AK5: variants seen among roughly 807,000 people sequenced by gnomAD.
AK5 encodes adenylate kinase 5, also known as adenylate kinase isoenzyme 5.
Under a neutral mutation model 69.5 loss-of-function variants are expected in AK5, and 27 were observed. That is an observed-to-expected ratio of 0.39 (90% CI 0.29 to 0.54). AK5 has a LOEUF of 0.54. Ranked by LOEUF, AK5 falls within the 20% of genes least tolerant of loss-of-function variation. The probability of loss-of-function intolerance (pLI) is 0.71; values close to 1 mark genes in which losing one functional copy is unlikely to be tolerated. For missense variants in AK5, 531 were observed against 700.4 expected, an observed-to-expected ratio of 0.76 and a Z score of 2.73; for synonymous variants, 260 against 244.4, an observed-to-expected ratio of 1.06 and a Z score of -0.60.
At chr1:77,460,976 A>C (rs1653797781) in intron 8 of AK5, among the ~76,000 whole-genome samples, 1 of 151,788 alleles carries the variant, frequency 6.6e-6, no homozygotes, top group Non-Finnish European at 1.5e-5. Flanking sequence ...CACCTTACTC[A>C]GCCTTCCAAA....
intron 13 of AK5, among the ~76,000 whole-genome samples, chr1:77,557,712 C>T (rs1211187778): frequency 6.6e-6 from 1 of 152,164 alleles, no homozygotes; most frequent in Non-Finnish European, 1.5e-5. Flanking sequence ...ACTCAGAAGT[C>T]TCATTTTAAG....
chr1:77,445,044 A>G (rs1652660826), intron 8 of AK5, among the ~76,000 whole-genome samples: 3 of 152,176 alleles, frequency 2.0e-5, no homozygotes, highest in Admixed American at 2.0e-4. Context: ...CTATTGGTAT[A>G]TCTAGATTGT....
At chr1:77,523,794 C>T (rs183149238) in intron 12 of AK5, among the ~76,000 whole-genome samples, 10 of 152,276 alleles carry the variant, frequency 6.6e-5, no homozygotes, top group Admixed American at 2.0e-4. Flanking sequence ...ACCTCAGCCT[C>T]CTGAGCAACT....
intron 13 of AK5, among the ~76,000 whole-genome samples, chr1:77,545,671 A>G (rs1659506424): frequency 6.6e-6 from 1 of 152,188 alleles, no homozygotes; most frequent in African/African-American, 2.4e-5. Flanking sequence ...TTTGAAGTAT[A>G]ACAAGTAAAA....
intron 13 of AK5, among the ~76,000 whole-genome samples, chr1:77,557,001 T>C (rs1660138754): frequency 6.6e-6 from 1 of 152,022 alleles, no homozygotes; most frequent in Admixed American, 6.5e-5. Context: ...TTTTTTCGTT[T>C]GTTAGCATTT....
At chr1:77,288,131 A>T (rs185163923) in intron 2 of AK5, among the ~76,000 whole-genome samples, 7 of 152,370 alleles carry the variant, frequency 4.6e-5, no homozygotes, top group African/African-American at 1.4e-4. Flanking sequence ...TTGGAGAAGT[A>T]AACTTGTTTA....
chr1:77,558,851 A>G lies in AK5; in HGVS notation c.*181A>G. 6.7e-6 allele frequency: 4 copies of G among 594,370 alleles called. No homozygotes were observed. The highest frequency in any genetic ancestry group is 1.9e-5 in the African/African-American group (1 of 53,710). The allele number at this position is 594,370 out of a possible 1,614,324, so 36.8% of individuals were successfully genotyped here. On this transcript the variant is annotated 3_prime_UTR_variant, in exon 14 of 14. Coordinates refer to ENST00000354567, the MANE Select transcript of AK5 (RefSeq NM_174858.3). ...TGTGAGAGGTGTCTGGAAATCATGCATGGTGTATTTGGGACTATATCAACC... is the reference window on the plus strand; with the variant it reads ...TGTGAGAGGTGTCTGGAAATCATGCGTGGTGTATTTGGGACTATATCAACC...
At chr1:77,296,534 A>T (rs1349395166) in intron 3 of AK5, among the ~76,000 whole-genome samples, 1 of 152,042 alleles carries the variant, frequency 6.6e-6, no homozygotes, top group Non-Finnish European at 1.5e-5. Flanking sequence ...TAACATTCTC[A>T]ATGTGTCTGA....
At chr1:77,376,451 C>CAAAAAAAAAAAAAAAAAAAAAAAAAA (rs762576175) in intron 6 of AK5, among the ~76,000 whole-genome samples, 12 of 41,032 alleles carry the variant, frequency 2.9e-4, no homozygotes, top group African/African-American at 1.1e-3. Context: ...AAAAAAAAAA[C>CAAAAAAAAAAAAAAAAAAAAAAAAAA]AAAAAAAAAA....
intron 8 of AK5, among the ~76,000 whole-genome samples, chr1:77,445,543 A>G (rs1286388449): frequency 1.3e-5 from 2 of 152,118 alleles, no homozygotes; most frequent in Non-Finnish European, 2.9e-5. Context: ...CTTATCTGAC[A>G]TATGGTTTGC....
At position 77,470,854 on chromosome 1, in the gene AK5, TATATATATATA is replaced by T. The variant is rs1654439914; in HGVS notation, c.1060-12462_1060-12452del. ...ATATATATATATATATATATATATA[TATATATATATA>T]TATATATATATTTTTTTTTTTTTTT... On this transcript the variant is annotated intron_variant, in intron 8 of 13. Coordinates refer to ENST00000354567, the MANE Select transcript of AK5 (RefSeq NM_174858.3). Among the ~76,000 whole-genome samples the T allele has an allele frequency of 3.0e-3, 95 of 31,642 alleles. 24 individuals are homozygous for T. Among genetic ancestry groups the T allele is most frequent in the Admixed American group, 5.6e-3 (10 of 1,798 alleles). 20.8% of individuals were successfully genotyped at this position (31,642 alleles called of 152,430 possible).
intron 13 of AK5, 123 bp from the exon 14 acceptor site, chr1:77,558,479 G>C (rs1378962545): frequency 4.9e-6 from 3 of 612,058 alleles, no homozygotes; most frequent in Non-Finnish European, 8.7e-6. Flanking sequence ...CTGTGTTTTG[G>C]GGGGGGTCTT....
At chr1:77,522,054 G>A (rs1658020589) in intron 12 of AK5, 111 bp downstream of exon 12, 2 of 843,148 alleles carry the variant, frequency 2.4e-6, no homozygotes, top group Non-Finnish European at 3.6e-6. Flanking sequence ...AAAACTTTAA[G>A]GGGCAGAAAC....
intron 10 of AK5, among the ~76,000 whole-genome samples, chr1:77,513,340 G>C (rs937125202): frequency 1.3e-5 from 2 of 152,128 alleles, no homozygotes; most frequent in African/African-American, 2.4e-5. Flanking sequence ...TGTGATGATG[G>C]TTCCCCTGTC....
intron 5 of AK5, among the ~76,000 whole-genome samples, chr1:77,302,142 A>T (rs1343079589): frequency 6.6e-6 from 1 of 151,968 alleles, no homozygotes; most frequent in East Asian, 1.9e-4. Context: ...TCAAGTGATC[A>T]TCCTCTCTCA....
At chr1:77,352,321 T>A (rs1662253926) in intron 6 of AK5, among the ~76,000 whole-genome samples, 1 of 152,236 alleles carries the variant, frequency 6.6e-6, no homozygotes, top group Non-Finnish European at 1.5e-5. Flanking sequence ...TATACCAGAC[T>A]CCTTATTCAT....
At chr1:77,501,356 A>C (rs1656707547) in intron 10 of AK5, among the ~76,000 whole-genome samples, 1 of 152,230 alleles carries the variant, frequency 6.6e-6, no homozygotes, top group Non-Finnish European at 1.5e-5. Flanking sequence ...GTCATGCATC[A>C]CTTAACAACA....
intron 8 of AK5, chr1:77,420,497 C>A (rs1428875838): frequency 6.6e-6 from 1 of 152,158 alleles, no homozygotes; most frequent in Non-Finnish European, 1.5e-5. Flanking sequence ...TTATTTAGCA[C>A]CTACTCTAAA....
At chr1:77,394,194 G>A (rs1247210159) in intron 6 of AK5, among the ~76,000 whole-genome samples, 1 of 149,032 alleles carries the variant, frequency 6.7e-6, no homozygotes, top group Non-Finnish European at 1.5e-5. Context: ...CAACCTGGGT[G>A]ACAGAGCGAG....
Sources: gnomAD v4.1 joint callset for allele counts (sites outside exome capture counted in the v4.1 genomes callset) on GRCh38, gnomAD v4.1.1 for gene constraint, MANE v1.5 for transcripts, NCBI Gene and HGNC (gene_info 2026-07-23, HGNC 2026-07-21) for gene names.